The following PALS1 variants were observed in gnomAD, a reference collection of about 807,000 sequenced individuals.
PALS1 encodes the protein protein associated with LIN7 1, MAGUK p55 family member.
In PALS1, 31 loss-of-function variants were observed where a neutral mutation model predicts 78.9. That is an observed-to-expected ratio of 0.39 (90% CI 0.30 to 0.53). PALS1 has a LOEUF of 0.53. Ranked by LOEUF, PALS1 falls within the 20% of genes least tolerant of loss-of-function variation. The pLI is 0.67. For synonymous variants in PALS1, 276 were observed against 270.9 expected (o/e 1.02, Z -0.18); for missense variants, 704 against 826.5 (o/e 0.85, Z 1.82).
Position 67,279,392 on chromosome 14 carries a change from G to A in PALS1, c.222G>A (p.Gly74=). ...EDMRRRREEE[G]KKQELDLNSS... ...TGAGGCGTAGGAGAGAGGAAGAAGGGAAAAAGCAAGAACTTGACCTTAATT... is the reference window on the plus strand; with the variant it reads ...TGAGGCGTAGGAGAGAGGAAGAAGGAAAAAAGCAAGAACTTGACCTTAATT... Residue 74 remains glycine, a synonymous_variant, in exon 3 of 15, where the codon GGG becomes GGA. Transcript: ENST00000261681. 2 of 1,613,230 alleles carry A rather than the reference G, an allele frequency of 1.2e-6. No individual in the cohort carries two copies. Among genetic ancestry groups the A allele is most frequent in the Non-Finnish European group, 1.7e-6 (2 of 1,179,804 alleles).
rs1259757256 is a variant in PALS1, at chr14:67,302,464, G to A, written c.856G>A (p.Gly286Arg). The A allele has an allele frequency of 8.1e-6, 13 of 1,599,496 alleles. No individual in the cohort carries two copies. The East Asian group carries it at 2.5e-4, about 31-fold the overall frequency. Residue 286 changes from glycine to arginine, a missense_variant, in exon 7 of 15, where the codon GGG (glycine) becomes AGG (arginine). Transcript: ENST00000261681. The stretch of plus-strand genomic sequence containing the variant: ...TGTCATCATTAGCCGGATAGTAAAA[G>A]GGGGTGCTGCAGAGAAAAGTGGTCT... ...DSVIISRIVK[G>R]GAAEKSGLLH... is the part of the protein sequence containing the mutation.
intron 4 of PALS1, among the ~76,000 whole-genome samples, chr14:67,299,009 G>A (rs1392165776): frequency 6.6e-6 from 1 of 152,158 alleles, no homozygotes; most frequent in Non-Finnish European, 1.5e-5. Flanking sequence ...TCAGTAGTTT[G>A]TAAATTGCTG....
intron 14 of PALS1, among the ~76,000 whole-genome samples, chr14:67,332,414 A>G (rs1013796477): frequency 6.6e-6 from 1 of 152,248 alleles, no homozygotes; most frequent in Non-Finnish European, 1.5e-5. Flanking sequence ...TCCATATTAC[A>G]GATGTTACTA....
intron 2 of PALS1, among the ~76,000 whole-genome samples, chr14:67,278,045 T>C (rs1384331064): frequency 6.6e-6 from 1 of 151,790 alleles, no homozygotes; most frequent in African/African-American, 2.4e-5. Context: ...ATTCTTTTTT[T>C]TTTTTTTTTG....
intron 3 of PALS1, among the ~76,000 whole-genome samples, chr14:67,280,458 G>T (rs1246280147): frequency 1.3e-5 from 2 of 152,192 alleles, no homozygotes; most frequent in East Asian, 3.8e-4. Context: ...TGTTTAGCCT[G>T]TACTAAGTGT....
intron 14 of PALS1, among the ~76,000 whole-genome samples, chr14:67,330,539 A>G (rs1251708283): frequency 6.7e-6 from 1 of 149,296 alleles, no homozygotes; most frequent in African/African-American, 2.5e-5. Context: ...GCTCACTGCA[A>G]CCTCTGCCTC....
At chr14:67,316,983 C>A in intron 10 of PALS1, 80 bp downstream of exon 10, 2 of 1,110,314 alleles carry the variant, frequency 1.8e-6, no homozygotes, top group Admixed American at 2.3e-5. Flanking sequence ...CATATTAGAA[C>A]CGTGAAGAAG....
At chr14:67,255,961 A>G (rs1213013101) in intron 1 of PALS1, among the ~76,000 whole-genome samples, 1 of 152,264 alleles carries the variant, frequency 6.6e-6, no homozygotes, top group Non-Finnish European at 1.5e-5. Context: ...TGCTGGGATT[A>G]CAGACAGTTG....
chr14:67,318,342 T>C (rs1347430702), intron 11 of PALS1, among the ~76,000 whole-genome samples: 1 of 152,214 alleles, frequency 6.6e-6, no homozygotes, highest in Non-Finnish European at 1.5e-5. Flanking sequence ...AAAATAAATA[T>C]CCTTTAATGC....
At chr14:67,252,090 T>C (rs1202967607) in intron 1 of PALS1, among the ~76,000 whole-genome samples, 1 of 152,244 alleles carries the variant, frequency 6.6e-6, no homozygotes, top group Non-Finnish European at 1.5e-5. Flanking sequence ...CTCTTCCATT[T>C]GGCTATTCCT....
intron 8 of PALS1, among the ~76,000 whole-genome samples, chr14:67,308,414 A>G (rs993557006): frequency 6.6e-6 from 1 of 151,780 alleles, no homozygotes; most frequent in Non-Finnish European, 1.5e-5. Flanking sequence ...AGCTAATCCC[A>G]AAGTTGTCTC....
intron 1 of PALS1, among the ~76,000 whole-genome samples, chr14:67,259,086 G>T (rs530150581): frequency 2.7e-5 from 4 of 148,830 alleles, no homozygotes; most frequent in African/African-American, 9.9e-5. Context: ...CAAGTGATCC[G>T]CCTGCCTCGG....
intron 8 of PALS1, among the ~76,000 whole-genome samples, chr14:67,311,631 T>C (rs894454267): frequency 6.6e-6 from 1 of 152,168 alleles, no homozygotes; most frequent in East Asian, 1.9e-4. Context: ...GAATAGTCTG[T>C]CATATCTTAC....
chr14:67,320,197 T>A (rs2085241315), intron 11 of PALS1, 33 bp from the exon 12 acceptor site: 1 of 1,591,720 alleles, frequency 6.3e-7, no homozygotes, highest in African/African-American at 1.4e-5. Flanking sequence ...GGCCATAATT[T>A]TGTTTGAAGA....
intron 8 of PALS1, among the ~76,000 whole-genome samples, chr14:67,307,419 G>A (rs1595603431): frequency 6.6e-6 from 1 of 151,984 alleles, no homozygotes; most frequent in Non-Finnish European, 1.5e-5. Context: ...GGATCACATC[G>A]CTTATTAGTT....
intron 14 of PALS1, among the ~76,000 whole-genome samples, chr14:67,326,221 ATTTTTTTTTTTTTTTTTT>A (rs760127048): frequency 1.3e-3 from 17 of 12,914 alleles, no homozygotes; most frequent in African/African-American, 2.9e-3. Context: ...TTTAGGTCTG[ATTTTTTTTTTTTTTTTTT>A]TTTTTTTTTT....
chr14:67,269,200 ACTT>A (rs1438474191), intron 1 of PALS1, among the ~76,000 whole-genome samples: 4 of 152,296 alleles, frequency 2.6e-5, no homozygotes, highest in South Asian at 2.1e-4. Flanking sequence ...ATGTATCACT[ACTT>A]CATTTTTATT....
chr14:67,315,498 G>C (rs1566573960), intron 9 of PALS1, among the ~76,000 whole-genome samples: 1 of 152,018 alleles, frequency 6.6e-6, no homozygotes, highest in Non-Finnish European at 1.5e-5. Context: ...GGATGGTCTT[G>C]ATCTCCTGAC....
intron 3 of PALS1, among the ~76,000 whole-genome samples, chr14:67,288,210 G>C (rs2140779478): frequency 6.6e-6 from 1 of 152,188 alleles, no homozygotes; most frequent in Middle Eastern, 3.4e-3. Flanking sequence ...CTCCCAAGTA[G>C]CTGGCACTTT....
Sources: gnomAD v4.1 joint callset for allele counts (sites outside exome capture counted in the v4.1 genomes callset) on GRCh38, gnomAD v4.1.1 for gene constraint, MANE v1.5 for transcripts, NCBI Gene and HGNC (gene_info 2026-07-23, HGNC 2026-07-21) for gene names.